The following MYO5C variants were observed in gnomAD, a reference collection of about 807,000 sequenced individuals.
MYO5C encodes the protein myosin VC, also known as unconventional myosin-Vc.
A neutral mutation model predicts 235.7 loss-of-function variants in MYO5C; 194 were observed. The ratio of observed to expected loss-of-function variants is 0.82; its 90% CI spans 0.73 to 0.93. The LOEUF (loss-of-function observed/expected upper bound fraction) is 0.93. Among genes scored for constraint, MYO5C ranks in the 40% least tolerant of loss-of-function variants. MYO5C has a pLI of 0.00. For synonymous variants in MYO5C, 707 were observed against 754.8 expected, an observed-to-expected ratio of 0.94 and a Z score of 1.04; for missense variants, 2,038 against 2,127.2, an observed-to-expected ratio of 0.96 and a Z score of 0.82.
intron 24 of MYO5C, among the ~76,000 whole-genome samples, chr15:52,230,509 A>G (rs2035923620): frequency 6.6e-6 from 1 of 151,988 alleles, no homozygotes; most frequent in Non-Finnish European, 1.5e-5. Flanking sequence ...CCCGGGTTCA[A>G]GTGATTCTCC....
At chr15:52,245,578 T>C in intron 17 of MYO5C, 113 bp from the exon 18 acceptor site, 1 of 782,526 alleles carries the variant, frequency 1.3e-6, no homozygotes, top group Non-Finnish European at 2.3e-6. Flanking sequence ...GTGCAATCTG[T>C]CCTGAGGATA....
intron 1 of MYO5C, among the ~76,000 whole-genome samples, chr15:52,286,428 G>A (rs1313160311): frequency 2.6e-5 from 4 of 152,044 alleles, no homozygotes; most frequent in South Asian, 2.1e-4. Flanking sequence ...CCACCACCCC[G>A]TCTGGGAGGT....
intron 1 of MYO5C, among the ~76,000 whole-genome samples, chr15:52,283,329 G>A (rs1429349935): frequency 6.6e-6 from 1 of 152,210 alleles, no homozygotes; most frequent in Non-Finnish European, 1.5e-5. Flanking sequence ...TCCCTGGGAG[G>A]TTAAATTAGA....
chr15:52,228,569 T>C (rs1160660286), intron 25 of MYO5C, among the ~76,000 whole-genome samples: 1 of 152,248 alleles, frequency 6.6e-6, no homozygotes, highest in African/African-American at 2.4e-5. Flanking sequence ...GATGTTATAA[T>C]TTATGAATAT....
In MYO5C at chr15:52,295,566, C is replaced by T. The variant is rs895368835; in HGVS notation, c.27+44G>A. On this transcript the variant is annotated intron_variant, in intron 1 of 40. Transcript: ENST00000261839. ...CAGGTCGAGTCAGCGTTAGCAGGGC[C>T]GGCTCCCCCACAGCGCTCCCAGGAG... 3.3e-6 allele frequency: 5 copies of T among 1,498,322 alleles called. No individual in the cohort carries two copies. In the Admixed American group the frequency reaches 9.0e-5, roughly 27 times the overall value. 92.8% of individuals were successfully genotyped at this position (1,498,322 alleles called of 1,614,324 possible).
At chr15:52,295,478 CA>C in intron 1 of MYO5C, 131 bp downstream of exon 1, 1 of 1,099,086 alleles carries the variant, frequency 9.1e-7, no homozygotes, top group Non-Finnish European at 1.2e-6. Flanking sequence ...CCGCGGCCCC[CA>C]GCGCGCGCCC....
chr15:52,285,683 C>G (rs2037249351), intron 1 of MYO5C, among the ~76,000 whole-genome samples: 1 of 152,246 alleles, frequency 6.6e-6, no homozygotes, highest in Non-Finnish European at 1.5e-5. Flanking sequence ...GTTGGCCGGG[C>G]TGGTCTCCAG....
chr15:52,228,285 A>T (rs2035874018), intron 25 of MYO5C, among the ~76,000 whole-genome samples: 1 of 152,086 alleles, frequency 6.6e-6, no homozygotes, highest in Non-Finnish European at 1.5e-5. Flanking sequence ...CTGGGATTAC[A>T]GGCACCTGCC....
At chr15:52,237,928 CAA>C (rs557115412) in intron 21 of MYO5C, among the ~76,000 whole-genome samples, 1 of 149,346 alleles carries the variant, frequency 6.7e-6, no homozygotes, top group African/African-American at 2.4e-5. Context: ...TGCCCCCCGC[CAA>C]AATTCATTTG....
In MYO5C at chr15:52,278,982, A is replaced by T. The variant is rs1316567601; in HGVS notation, c.340T>A (p.Leu114Met). 2.5e-6 allele frequency: 4 copies of T among 1,613,850 alleles called. No homozygotes were observed. In the African/African-American group the frequency reaches 5.3e-5, roughly 22 times the overall value. ...ILVAMNPYKQ[L>M]PIYGDAIIHA... Reference sequence around the variant, plus strand: ...ATGATGGCATCTCCGTATATTGGCAACTGCTTGTAAGGATTCATGGCCACC... The same window carrying T: ...ATGATGGCATCTCCGTATATTGGCATCTGCTTGTAAGGATTCATGGCCACC... Residue 114 changes from leucine to methionine, a missense_variant, in exon 4 of 41, where the codon TTG (leucine) becomes ATG (methionine). Coordinates refer to ENST00000261839, the MANE Select transcript of MYO5C (RefSeq NM_018728.4).
chr15:52,203,355 T>C (rs1372495924), intron 38 of MYO5C, among the ~76,000 whole-genome samples: 1 of 152,172 alleles, frequency 6.6e-6, no homozygotes, highest in African/African-American at 2.4e-5. Flanking sequence ...TTTTTTATTA[T>C]TTATTTTTTT....
At chr15:52,271,325 T>C (rs1387737987) in intron 7 of MYO5C, among the ~76,000 whole-genome samples, 1 of 150,964 alleles carries the variant, frequency 6.6e-6, no homozygotes, top group Non-Finnish European at 1.5e-5. Flanking sequence ...ATCTCCCGGG[T>C]TCAAGCAATT....
At chr15:52,268,359 T>C (rs529627414) in intron 8 of MYO5C, among the ~76,000 whole-genome samples, 2 of 152,106 alleles carry the variant, frequency 1.3e-5, no homozygotes, top group South Asian at 4.2e-4. Flanking sequence ...GGTCAGGAGA[T>C]TGAGACCATC....
intron 9 of MYO5C, 28 bp downstream of exon 9, chr15:52,264,162 G>C: frequency 6.4e-7 from 1 of 1,557,464 alleles, no homozygotes; most frequent in South Asian, 1.1e-5. Flanking sequence ...CTTAGACAAA[G>C]GAAAAGTAAA....
chr15:52,237,444 C>T (rs758318371), intron 22 of MYO5C, 38 bp downstream of exon 22: 38 of 1,594,392 alleles, frequency 2.4e-5, no homozygotes, highest in African/African-American at 4.0e-5. Context: ...ACAGAGAGTC[C>T]GCATATTTCC....
intron 36 of MYO5C, among the ~76,000 whole-genome samples, chr15:52,207,953 G>A (rs1199529633): frequency 6.6e-6 from 1 of 152,186 alleles, no homozygotes; most frequent in East Asian, 1.9e-4. Context: ...ACTGGTAAAG[G>A]ATAAAAATGT....
chr15:52,289,042 T>C (rs901501289), intron 1 of MYO5C, among the ~76,000 whole-genome samples: 2 of 152,176 alleles, frequency 1.3e-5, no homozygotes, highest in South Asian at 2.1e-4. Context: ...TGGGACGACA[T>C]GTGTTTCCCT....
intron 9 of MYO5C, among the ~76,000 whole-genome samples, chr15:52,262,719 G>A (rs1012248743): frequency 3.3e-5 from 5 of 152,206 alleles, no homozygotes; most frequent in South Asian, 2.1e-4. Context: ...GCTCCACTCA[G>A]CTCTGCTCTC....
intron 8 of MYO5C, among the ~76,000 whole-genome samples, chr15:52,266,314 T>C (rs1222652968): frequency 6.6e-6 from 1 of 152,212 alleles, no homozygotes; most frequent in African/African-American, 2.4e-5. Context: ...AGGGACAGCC[T>C]GATTCCAAGG....
Sources: allele counts gnomAD v4.1 joint callset (sites outside exome capture counted in the v4.1 genomes callset), GRCh38; gene constraint gnomAD v4.1.1; transcripts MANE v1.5; gene names NCBI Gene and HGNC (gene_info 2026-07-23, HGNC 2026-07-21).